The following CELF2 variants were observed in gnomAD, a reference collection of about 807,000 sequenced individuals.
CELF2 encodes CUG triplet repeat RNA-binding protein 2.
A neutral mutation model predicts 62.6 loss-of-function variants in CELF2; 8 were observed. The ratio of observed to expected loss-of-function variants is 0.13; its 90% CI spans 0.07 to 0.23. CELF2 has a LOEUF of 0.23. Ranked by LOEUF, CELF2 falls within the 10% of genes least tolerant of loss-of-function variation. The probability of loss-of-function intolerance (pLI) is 1.00; values close to 1 mark genes in which losing one functional copy is unlikely to be tolerated. For missense variants in CELF2, 333 were observed against 671.0 expected (o/e 0.50, Z 5.56); for synonymous variants, 258 against 250.0 (o/e 1.03, Z -0.30).
At chr10:11,203,881 G>A (rs923510526) in intron 2 of CELF2, among the ~76,000 whole-genome samples, 29 of 152,168 alleles carry the variant, frequency 1.9e-4, no homozygotes, top group African/African-American at 6.0e-4. Flanking sequence ...ATACTACAGC[G>A]TAAATGGTTG....
At chr10:10,986,049 C>T (rs1440657281) in intron 2 of CELF2, among the ~76,000 whole-genome samples, 1 of 152,156 alleles carries the variant, frequency 6.6e-6, no homozygotes, top group Non-Finnish European at 1.5e-5. Flanking sequence ...TTTAACCATT[C>T]ATTTATCTAT....
the CELF2 span, among the ~76,000 whole-genome samples, chr10:10,694,548 T>C: frequency 1.3e-5 from 2 of 152,170 alleles, no homozygotes; most frequent in Non-Finnish European, 2.9e-5. Context: ...CAGAGCTGAG[T>C]TCAATTCCTG....
At chr10:10,877,124 A>G (rs2061149018) in intron 1 of CELF2, among the ~76,000 whole-genome samples, 1 of 152,276 alleles carries the variant, frequency 6.6e-6, no homozygotes, top group Admixed American at 6.5e-5. Context: ...AGTAGAGGCC[A>G]CTGCGGTAAT....
rs993231700 is a variant in CELF2 at position 11,063,552 on chromosome 10, A to G, written c.74+45389A>G. On this transcript the variant is annotated intron_variant, in intron 1 of 12. Coordinates refer to ENST00000633077, the MANE Select transcript of CELF2 (RefSeq NM_001326342.2). ...CATTTTAAGTTAAAGCATCATAAAT[A>G]AAAGGTTTATTCATACTCAATAAAA... 2.0e-5 allele frequency among the ~76,000 whole-genome samples: 3 copies of G among 152,256 alleles called. No individual in the cohort carries two copies. In the South Asian group the frequency reaches 6.2e-4, roughly 31 times the overall value.
chr10:10,557,077 C>T, the CELF2 span, among the ~76,000 whole-genome samples: 26 of 148,112 alleles, frequency 1.8e-4, no homozygotes, highest in African/African-American at 6.3e-4. Context: ...GTTGCCATTG[C>T]TTTTGGTGTT....
At chr10:11,033,301 A>G (rs61830393) in intron 1 of CELF2, among the ~76,000 whole-genome samples, 11,416 of 148,586 alleles carry the variant, frequency 0.077, 667 homozygotes, top group African/African-American at 0.17. Context: ...CTTGTTGCCC[A>G]GGCTGGAGTG....
At position 11,137,701 on chromosome 10, in the gene CELF2, A is replaced by T. The variant is rs566305639; in HGVS notation, c.75-27785A>T. 2.0e-5 allele frequency among the ~76,000 whole-genome samples: 3 copies of T among 152,328 alleles called. 1 individual carries two copies. In the South Asian group the frequency reaches 6.2e-4, roughly 32 times the overall value. On this transcript the variant is annotated intron_variant, in intron 1 of 12. Coordinates refer to ENST00000633077, the MANE Select transcript of CELF2 (RefSeq NM_001326342.2). Reference sequence around the variant, plus strand: ...TAAAAGAGCCTACTGCGTGTATATTAATTTGCCTTTCCCTGAAAAGTACGA... The same window carrying T: ...TAAAAGAGCCTACTGCGTGTATATTTATTTGCCTTTCCCTGAAAAGTACGA...
chr10:10,971,489 A>G (rs2050747160), intron 2 of CELF2, among the ~76,000 whole-genome samples: 1 of 152,124 alleles, frequency 6.6e-6, no homozygotes, highest in Non-Finnish European at 1.5e-5. Flanking sequence ...CACCCACCCT[A>G]GTTACCAGCC....
rs1314578124 is a variant in CELF2, at chr10:11,283,896, A to C, written c.842-4522A>C. Among the ~76,000 whole-genome samples the C allele has an allele frequency of 9.0e-5, 13 of 144,252 alleles. No homozygotes were observed. The South Asian group carries it at 1.6e-3, about 18-fold the overall frequency. The allele number at this position is 144,252 out of a possible 152,430, so 94.6% of individuals were successfully genotyped here. A position where few individuals can be genotyped will look rare whatever the true frequency, so the allele number is the denominator to read the frequency against. On this transcript the variant is annotated intron_variant, in intron 8 of 12. Coordinates refer to ENST00000633077, the MANE Select transcript of CELF2 (RefSeq NM_001326342.2). ...TGATGGATGGAGGGGTGGGTGGATG[A>C]TGGATGACTGTGTGGTAGGTGGATG...
At chr10:11,186,596 T>A (rs1427857296) in intron 2 of CELF2, among the ~76,000 whole-genome samples, 1 of 152,214 alleles carries the variant, frequency 6.6e-6, no homozygotes, top group Admixed American at 6.5e-5. Flanking sequence ...TTATTCAGAA[T>A]GTGTCATTTA....
rs1026090744 is a variant in CELF2, at chr10:11,334,707, C to G, written c.*5654C>G. On this transcript the variant is annotated 3_prime_UTR_variant, in exon 13 of 13. Coordinates refer to ENST00000633077, the MANE Select transcript of CELF2 (RefSeq NM_001326342.2). ...CTCCCCTCCCTCATGAGTCTATCCA[C>G]GCAGTTCTTAACATACATTCCAAAC... 5 of 152,188 alleles carry G rather than the reference C, an allele frequency of 3.3e-5. No homozygotes were observed. The highest frequency in any genetic ancestry group is 2.6e-4 in the Admixed American group (4 of 15,280). 9.4% of individuals were successfully genotyped at this position (152,188 alleles called of 1,614,324 possible).
At chr10:10,857,263 G>T (rs916977801) in intron 1 of CELF2, among the ~76,000 whole-genome samples, 8 of 152,092 alleles carry the variant, frequency 5.3e-5, no homozygotes, top group African/African-American at 1.9e-4. Context: ...GATTCTATAA[G>T]CTAAAAAGCT....
the CELF2 span, among the ~76,000 whole-genome samples, chr10:10,562,069 C>T: frequency 6.6e-6 from 1 of 152,224 alleles, no homozygotes; most frequent in Non-Finnish European, 1.5e-5. Context: ...GGTGACCAAT[C>T]AACACTGCTG....
chr10:10,960,522 C>T (rs1461747923), intron 2 of CELF2, among the ~76,000 whole-genome samples: 2 of 152,170 alleles, frequency 1.3e-5, no homozygotes, highest in African/African-American at 2.4e-5. Context: ...ACCTGGAGCC[C>T]ATAAAAAATT....
At chr10:11,317,093 G>T (rs2095062249) in intron 10 of CELF2, 1 of 151,954 alleles carries the variant, frequency 6.6e-6, no homozygotes, top group African/African-American at 2.4e-5. Context: ...TATGTCAAGT[G>T]GCATCTTATT....
chr10:10,764,290 TTG>T, the CELF2 span, among the ~76,000 whole-genome samples: 1 of 152,346 alleles, frequency 6.6e-6, no homozygotes, highest in South Asian at 2.1e-4. Context: ...GTGAATGAAA[TTG>T]TTTTCAAAAA....
the CELF2 span, among the ~76,000 whole-genome samples, chr10:10,685,238 T>G: frequency 2.0e-5 from 3 of 152,210 alleles, no homozygotes; most frequent in African/African-American, 4.8e-5. Flanking sequence ...TAGACTGTCA[T>G]CTGCTTTTTG....
chr10:11,170,494 G>C (rs1435151652), intron 2 of CELF2, among the ~76,000 whole-genome samples: 1 of 152,186 alleles, frequency 6.6e-6, no homozygotes, highest in Non-Finnish European at 1.5e-5. Flanking sequence ...GGGCCCTGAT[G>C]GTTGTGGACT....
At chr10:10,606,861 C>T in the CELF2 span, among the ~76,000 whole-genome samples, 42,440 of 151,942 alleles carry the variant, frequency 0.28, 6,916 homozygotes, top group Non-Finnish European at 0.37. Flanking sequence ...AAAGATGTAA[C>T]GACTCAAAGA....
Sources: allele counts gnomAD v4.1 joint callset (sites outside exome capture counted in the v4.1 genomes callset), GRCh38; gene constraint gnomAD v4.1.1; transcripts MANE v1.5; gene names NCBI Gene and HGNC (gene_info 2026-07-23, HGNC 2026-07-21).